The following RBFOX1 variants were observed in gnomAD, a reference collection of about 807,000 sequenced individuals.
RBFOX1 encodes the protein RNA binding fox-1 homolog 1.
In RBFOX1, 8 loss-of-function variants were observed where a neutral mutation model predicts 57.7. The observed-to-expected ratio is 0.14, with a 90% CI of 0.08 to 0.25. The LOEUF (loss-of-function observed/expected upper bound fraction) is 0.25. RBFOX1 is among the 10% of genes least tolerant of loss of function. RBFOX1 has a pLI of 1.00. For synonymous variants in RBFOX1, 326 were observed against 222.4 expected, an observed-to-expected ratio of 1.47 and a Z score of -4.15; for missense variants, 611 against 548.5, an observed-to-expected ratio of 1.11 and a Z score of -1.14.
intron 3 of RBFOX1, among the ~76,000 whole-genome samples, chr16:6,842,651 G>C (rs1391823110): frequency 6.9e-5 from 5 of 72,324 alleles, no homozygotes; most frequent in African/African-American, 2.8e-4. Flanking sequence ...AAATCTATTT[G>C]CTTTTTTTTT....
chr16:6,222,009 A>T (rs1598495786), intron 1 of RBFOX1, among the ~76,000 whole-genome samples: 2 of 152,254 alleles, frequency 1.3e-5, no homozygotes, highest in Admixed American at 1.3e-4. Context: ...ATGTTTCCTC[A>T]TGTCACTTTT....
At chr16:6,098,131 T>A (rs971680703) in intron 1 of RBFOX1, among the ~76,000 whole-genome samples, 1 of 152,130 alleles carries the variant, frequency 6.6e-6, no homozygotes, top group African/African-American at 2.4e-5. Context: ...TGCCTCTTGC[T>A]ACCCTTCGTT....
At chr16:5,503,029 C>T (rs1567169736) in intron 2 of RBFOX1, among the ~76,000 whole-genome samples, 1 of 152,218 alleles carries the variant, frequency 6.6e-6, no homozygotes, top group Non-Finnish European at 1.5e-5. Context: ...TTCCCTGGGG[C>T]TTTTCAGATG....
At chr16:5,736,184 C>A (rs969223702) in intron 3 of RBFOX1, among the ~76,000 whole-genome samples, 7 of 152,064 alleles carry the variant, frequency 4.6e-5, no homozygotes, top group Non-Finnish European at 1.0e-4. Flanking sequence ...CACAAGCCTG[C>A]CACCTGGCAC....
chr16:7,478,215 C>A (rs572319988), intron 4 of RBFOX1, among the ~76,000 whole-genome samples: 1 of 152,166 alleles, frequency 6.6e-6, no homozygotes, highest in Non-Finnish European at 1.5e-5. Context: ...AATGTTGCTA[C>A]CTTCATGTAA....
chr16:7,461,452 C>T (rs1473608111), intron 4 of RBFOX1, among the ~76,000 whole-genome samples: 1 of 152,186 alleles, frequency 6.6e-6, no homozygotes, highest in Non-Finnish European at 1.5e-5. Context: ...AGGCATGAGT[C>T]ACTGTGCCCG....
chr16:5,468,495 G>A (rs2069024344), intron 2 of RBFOX1, among the ~76,000 whole-genome samples: 2 of 152,136 alleles, frequency 1.3e-5, no homozygotes, highest in South Asian at 4.1e-4. Flanking sequence ...CAGTTTGGCA[G>A]TTCCTCCAAA....
At chr16:5,787,729 C>T (rs2054552927) in intron 3 of RBFOX1, among the ~76,000 whole-genome samples, 1 of 152,078 alleles carries the variant, frequency 6.6e-6, no homozygotes, top group Admixed American at 6.5e-5. Context: ...ACACCACCAG[C>T]CAAGGGGGTC....
rs73490640 is a variant in RBFOX1, at chr16:7,620,626, T to C, written c.677-9977T>C. On this transcript the variant is annotated intron_variant, in intron 10 of 15. Transcript: ENST00000550418. ...CTTTAGCCAGGAAGAGTCAGGTGTT[T>C]CCTGCCAGATGGCAGCTTCGGAATT... Among the ~76,000 whole-genome samples the C allele has an allele frequency of 4.6e-3, 694 of 152,332 alleles. 5 individuals carry two copies. The highest frequency in any genetic ancestry group is 0.016 in the African/African-American group (648 of 41,576).
At chr16:6,034,269 T>C (rs1222938155) in intron 1 of RBFOX1, among the ~76,000 whole-genome samples, 2 of 128,446 alleles carry the variant, frequency 1.6e-5, no homozygotes, top group African/African-American at 3.1e-5. Context: ...GAGTCGGAGG[T>C]TGCAGTGAGC....
chr16:6,930,488 C>A (rs1441886500), intron 3 of RBFOX1, among the ~76,000 whole-genome samples: 2 of 152,072 alleles, frequency 1.3e-5, no homozygotes, highest in African/African-American at 2.4e-5. Context: ...CGGCTCACTA[C>A]AACCTCTGCC....
intron 2 of RBFOX1, among the ~76,000 whole-genome samples, chr16:6,635,632 G>A (rs1029067625): frequency 2.6e-5 from 4 of 152,134 alleles, no homozygotes; most frequent in Admixed American, 2.0e-4. Flanking sequence ...AGTCTAGGAA[G>A]GAAGGTGGCA....
chr16:5,519,684 C>T (rs577729560), intron 2 of RBFOX1, among the ~76,000 whole-genome samples: 2 of 152,206 alleles, frequency 1.3e-5, no homozygotes, highest in Non-Finnish European at 2.9e-5. Context: ...AAGATTATCT[C>T]CCTGCACTCC....
At chr16:6,972,408 G>A (rs2085779507) in intron 3 of RBFOX1, among the ~76,000 whole-genome samples, 1 of 152,018 alleles carries the variant, frequency 6.6e-6, no homozygotes, top group African/African-American at 2.4e-5. Flanking sequence ...CATCCATGGT[G>A]TAGGATGTTT....
intron 2 of RBFOX1, among the ~76,000 whole-genome samples, chr16:6,411,869 C>G (rs1374606324): frequency 6.6e-6 from 1 of 152,002 alleles, no homozygotes; most frequent in Non-Finnish European, 1.5e-5. Flanking sequence ...TGTGGTGGCT[C>G]ACGCCTGTAA....
chr16:6,989,974 C>T (rs540142393), intron 3 of RBFOX1, among the ~76,000 whole-genome samples: 1 of 152,234 alleles, frequency 6.6e-6, no homozygotes, highest in African/African-American at 2.4e-5. Context: ...GCACTCCAGC[C>T]TGGGTGACAA....
chr16:7,079,231 C>G (rs2058784630), intron 4 of RBFOX1, among the ~76,000 whole-genome samples: 2 of 152,136 alleles, frequency 1.3e-5, no homozygotes, highest in South Asian at 4.2e-4. Flanking sequence ...ATTGGCCAAA[C>G]CCAGTTTTAC....
chr16:7,637,296 A>AAGAT (rs2061934759), intron 11 of RBFOX1, among the ~76,000 whole-genome samples: 1 of 152,092 alleles, frequency 6.6e-6, no homozygotes, highest in African/African-American at 2.4e-5. Flanking sequence ...AAGGAAAAAA[A>AAGAT]AGATATCATG....
At chr16:5,933,526 C>T (rs940232748) in intron 4 of RBFOX1, among the ~76,000 whole-genome samples, 14 of 152,078 alleles carry the variant, frequency 9.2e-5, no homozygotes, top group African/African-American at 3.1e-4. Context: ...AACGGATGCT[C>T]CTGCAGGGAA....
Sources: gnomAD v4.1 joint callset for allele counts (sites outside exome capture counted in the v4.1 genomes callset) on GRCh38, gnomAD v4.1.1 for gene constraint, MANE v1.5 for transcripts, NCBI Gene and HGNC (gene_info 2026-07-23, HGNC 2026-07-21) for gene names.